CRIM1: variants seen among roughly 807,000 people sequenced by gnomAD.
The protein encoded by CRIM1 is cysteine-rich motor neuron 1 protein.
A neutral mutation model predicts 116.4 loss-of-function variants in CRIM1; 32 were observed. That is an observed-to-expected ratio of 0.27 (90% CI 0.21 to 0.37). The LOEUF (loss-of-function observed/expected upper bound fraction) is 0.37, where lower values mean the gene tolerates loss of function less well. CRIM1 is among the 10% of genes least tolerant of loss of function. The pLI is 1.00. For missense variants in CRIM1, 1,331 were observed against 1,354.8 expected (o/e 0.98, Z 0.28); for synonymous variants, 590 against 509.2 (o/e 1.16, Z -2.13).
chr2:36,450,228 C>G (rs1316437596), intron 4 of CRIM1, among the ~76,000 whole-genome samples: 1 of 152,092 alleles, frequency 6.6e-6, no homozygotes, highest in Admixed American at 6.5e-5. Flanking sequence ...TGTATGGTTC[C>G]TGGTGCCCAC....
intron 1 of CRIM1, among the ~76,000 whole-genome samples, chr2:36,382,306 T>C (rs2148338657): frequency 6.6e-6 from 1 of 152,276 alleles, no homozygotes; most frequent in South Asian, 2.1e-4. Context: ...ATAGGCAGAG[T>C]CTGTTTCTGA....
At chr2:36,403,300 G>T (rs1218046265) in intron 2 of CRIM1, among the ~76,000 whole-genome samples, 3 of 152,184 alleles carry the variant, frequency 2.0e-5, no homozygotes, top group Non-Finnish European at 4.4e-5. Flanking sequence ...AAAACGTTTG[G>T]AGAACGTTGA....
At chr2:36,468,557 A>G (rs935327605) in intron 5 of CRIM1, among the ~76,000 whole-genome samples, 2 of 152,206 alleles carry the variant, frequency 1.3e-5, no homozygotes, top group Non-Finnish European at 2.9e-5. Flanking sequence ...TGTTTCTTTT[A>G]TGTGAACTTA....
chr2:36,498,671 T>C (rs1156376714), intron 7 of CRIM1, among the ~76,000 whole-genome samples: 2 of 152,164 alleles, frequency 1.3e-5, no homozygotes, highest in Admixed American at 6.5e-5. Flanking sequence ...TGTGTAGTTA[T>C]CTGTCGTATC....
chr2:36,419,108 C>G (rs895327802), intron 2 of CRIM1, among the ~76,000 whole-genome samples: 4 of 152,170 alleles, frequency 2.6e-5, no homozygotes, highest in African/African-American at 9.7e-5. Context: ...AAGAAAGTTT[C>G]CAGCAATTGG....
intron 7 of CRIM1, among the ~76,000 whole-genome samples, chr2:36,491,425 T>A (rs1680217455): frequency 6.6e-6 from 1 of 152,208 alleles, no homozygotes; most frequent in Admixed American, 6.5e-5. Context: ...ATTTATTGTG[T>A]ACCTCCTATG....
intron 7 of CRIM1, among the ~76,000 whole-genome samples, chr2:36,482,058 C>T (rs567283914): frequency 6.6e-6 from 1 of 152,184 alleles, no homozygotes; most frequent in African/African-American, 2.4e-5. Context: ...TCTAGAGCCT[C>T]AGGTCTGGGC....
At chr2:36,463,091 T>C (rs1007566642) in intron 4 of CRIM1, among the ~76,000 whole-genome samples, 2 of 152,170 alleles carry the variant, frequency 1.3e-5, no homozygotes, top group African/African-American at 4.8e-5. Context: ...AGGAATCCAA[T>C]AGAACTGCCA....
intron 4 of CRIM1, among the ~76,000 whole-genome samples, chr2:36,447,245 T>G (rs1676315301): frequency 6.6e-6 from 1 of 152,218 alleles, no homozygotes; most frequent in Non-Finnish European, 1.5e-5. Context: ...TTTAATTTTT[T>G]TTTTATTGAA....
chr2:36,501,455 A>G (rs972532884), intron 8 of CRIM1, among the ~76,000 whole-genome samples: 3 of 152,322 alleles, frequency 2.0e-5, no homozygotes, highest in South Asian at 2.1e-4. Context: ...GTGGTGGCTC[A>G]CACCTATAAT....
intron 5 of CRIM1, among the ~76,000 whole-genome samples, chr2:36,469,762 G>A (rs1572809443): frequency 6.6e-6 from 1 of 152,128 alleles, no homozygotes; most frequent in Non-Finnish European, 1.5e-5. Context: ...GAGATATTCT[G>A]GCACTTTGAG....
chr2:36,512,288 C>T lies in CRIM1; in HGVS notation c.1674C>T (p.Gly558=). 6.2e-7 allele frequency: 1 copy of T among 1,613,424 alleles called. No homozygotes were observed. Among genetic ancestry groups the T allele is most frequent in the Non-Finnish European group, 8.5e-7 (1 of 1,179,358 alleles). Residue 558 remains glycine (G), a synonymous_variant, in exon 10 of 17, where the codon GGC becomes GGT. Transcript: ENST00000280527. ...CPLGLLKNKH[G]CDICRCKKCP... ...AATTACCCAGGAAGAATAAGCACGGCTGTGACATCTGTCGCTGTAAGAAAT... is the reference window on the plus strand; with the variant it reads ...AATTACCCAGGAAGAATAAGCACGGTTGTGACATCTGTCGCTGTAAGAAAT...
intron 4 of CRIM1, among the ~76,000 whole-genome samples, chr2:36,459,558 G>A (rs1677419401): frequency 1.3e-5 from 2 of 152,066 alleles, no homozygotes; most frequent in African/African-American, 4.8e-5. Context: ...TAGTATGATG[G>A]GCCGATGCAC....
At chr2:36,486,896 T>G (rs371171975) in intron 7 of CRIM1, among the ~76,000 whole-genome samples, 1 of 152,242 alleles carries the variant, frequency 6.6e-6, no homozygotes, top group East Asian at 1.9e-4. Context: ...GTGCTAAACT[T>G]TTTTTGGATG....
chr2:36,413,350 C>G (rs1194658874), intron 2 of CRIM1, among the ~76,000 whole-genome samples: 2 of 152,164 alleles, frequency 1.3e-5, no homozygotes, highest in African/African-American at 4.8e-5. Flanking sequence ...GAGGAAATGC[C>G]TCAAATTCTA....
chr2:36,362,458 A>C (rs990703825), intron 1 of CRIM1, among the ~76,000 whole-genome samples: 1 of 152,188 alleles, frequency 6.6e-6, no homozygotes. Context: ...CTGCATTCTT[A>C]ATGCTTTAGT....
intron 8 of CRIM1, among the ~76,000 whole-genome samples, chr2:36,500,051 G>T (rs1452537801): frequency 2.0e-5 from 3 of 152,058 alleles, no homozygotes; most frequent in Non-Finnish European, 4.4e-5. Context: ...GAATGGGCAG[G>T]CATGGTGGCT....
intron 1 of CRIM1, among the ~76,000 whole-genome samples, chr2:36,360,599 A>G (rs891828815): frequency 6.6e-6 from 1 of 152,188 alleles, no homozygotes; most frequent in Non-Finnish European, 1.5e-5. Flanking sequence ...GAAACTTGCC[A>G]TGCAAAGTTT....
Position 36,356,270 on chromosome 2 carries a change from G to A in CRIM1, c.-23G>A. ...CCCGCTCCCGGCCCGGCTGCGAGGA[G>A]GAGGCGGCGGCGGCGCAGGAGGATG... is the stretch of plus-strand genomic sequence containing the variant. On this transcript the variant is annotated 5_prime_UTR_variant, in exon 1 of 17. Coordinates refer to ENST00000280527, the MANE Select transcript of CRIM1 (RefSeq NM_016441.3). This position sits in a 1 kb window ranked among gnomAD's most constrained non-coding sequence, Gnocchi z 4.3. The A allele has an allele frequency of 7.5e-6, 10 of 1,342,278 alleles. No individual in the cohort carries two copies. Among genetic ancestry groups the A allele is most frequent in the African/African-American group, 1.5e-5 (1 of 65,218 alleles). The allele number at this position is 1,342,278 out of a possible 1,614,324, so 83.1% of individuals were successfully genotyped here. A position where few individuals can be genotyped will look rare whatever the true frequency, so the allele number is the denominator to read the frequency against.
Sources: gnomAD v4.1 joint callset for allele counts (sites outside exome capture counted in the v4.1 genomes callset) on GRCh38, gnomAD v4.1.1 for gene constraint, Gnocchi (gnomAD v3.1) non-coding constraint, MANE v1.5 for transcripts, NCBI Gene and HGNC (gene_info 2026-07-23, HGNC 2026-07-21) for gene names.